Variants in CHRM3 observed in about 807,000 individuals in gnomAD.
CHRM3 encodes cholinergic receptor muscarinic 3.
Under a neutral mutation model 41.8 loss-of-function variants are expected in CHRM3, and 11 were observed. The observed-to-expected ratio is 0.26, with a 90% CI of 0.17 to 0.44. The LOEUF is 0.44. Among genes scored for constraint, CHRM3 ranks in the 20% least tolerant of loss-of-function variants. The pLI, the probability that CHRM3 is intolerant of heterozygous loss-of-function variation, is 1.00. For missense variants in CHRM3, 571 were observed against 745.4 expected, an observed-to-expected ratio of 0.77 and a Z score of 2.72; for synonymous variants, 297 against 301.4, an observed-to-expected ratio of 0.99 and a Z score of 0.15.
chr1:239,524,422 G>T (rs991143601), intron 2 of CHRM3, among the ~76,000 whole-genome samples: 11 of 151,642 alleles, frequency 7.3e-5, no homozygotes, highest in African/African-American at 2.7e-4. Flanking sequence ...TCTACAGAGT[G>T]GTAGTTTATT....
chr1:239,899,023 A>G (rs1679252750), intron 6 of CHRM3, among the ~76,000 whole-genome samples: 2 of 152,050 alleles, frequency 1.3e-5, no homozygotes, highest in South Asian at 2.1e-4. Context: ...CTTCTTTTAA[A>G]TATTAATAAA....
At chr1:239,645,976 A>G (rs1671706197) in intron 4 of CHRM3, among the ~76,000 whole-genome samples, 1 of 152,200 alleles carries the variant, frequency 6.6e-6, no homozygotes, top group African/African-American at 2.4e-5. Context: ...AACAGACTTG[A>G]AAATTAAAGC....
At chr1:239,787,939 G>A (rs1669039585) in intron 5 of CHRM3, among the ~76,000 whole-genome samples, 2 of 152,100 alleles carry the variant, frequency 1.3e-5, no homozygotes, top group African/African-American at 4.8e-5. Flanking sequence ...GTAATTCTAA[G>A]GTTAAATGGT....
chr1:239,643,061 C>A (rs2148930353), intron 4 of CHRM3, among the ~76,000 whole-genome samples: 1 of 152,296 alleles, frequency 6.6e-6, no homozygotes, highest in Admixed American at 6.5e-5. Flanking sequence ...GTATCAGCAG[C>A]AGTGTCTGCA....
chr1:239,774,445 G>T (rs1667938371), intron 5 of CHRM3, among the ~76,000 whole-genome samples: 1 of 152,100 alleles, frequency 6.6e-6, no homozygotes, highest in Non-Finnish European at 1.5e-5. Context: ...TCAATGTGGG[G>T]AAAAGAAAGA....
At chr1:239,691,678 T>A (rs1445325396) in intron 5 of CHRM3, among the ~76,000 whole-genome samples, 1 of 152,222 alleles carries the variant, frequency 6.6e-6, no homozygotes, top group Non-Finnish European at 1.5e-5. Flanking sequence ...CACTCATAAA[T>A]TTAAATGAAC....
At chr1:239,538,772 A>C (rs1252794759) in intron 2 of CHRM3, among the ~76,000 whole-genome samples, 1 of 152,182 alleles carries the variant, frequency 6.6e-6, no homozygotes, top group Admixed American at 6.5e-5. Flanking sequence ...GTAAACACAC[A>C]TATAAACCTA....
chr1:239,659,304 C>G (rs1359134371), intron 4 of CHRM3, among the ~76,000 whole-genome samples: 2 of 152,098 alleles, frequency 1.3e-5, no homozygotes, highest in East Asian at 3.9e-4. Context: ...TCCCAAGATT[C>G]CCAGTAACAG....
At position 239,908,804 on chromosome 1, in the gene CHRM3, G is replaced by A. The variant is rs367860952; in HGVS notation, c.1353G>A (p.Thr451=). 12 of 1,614,002 alleles carry A rather than the reference G, an allele frequency of 7.4e-6. No homozygotes were observed. Among genetic ancestry groups the A allele is most frequent in the Non-Finnish European group, 8.5e-6 (10 of 1,180,034 alleles). ...SDVNSSVGKS[T]ATLPLSFKEA... is the part of the protein sequence containing the mutation. ...TCAACTCCTCAGTGGGTAAGAGCAC[G>A]GCCACTCTACCTCTGTCCTTCAAGG... Residue 451 remains threonine (T), a synonymous_variant, in exon 7 of 7, where the codon ACG becomes ACA. Coordinates refer to ENST00000676153, the MANE Select transcript of CHRM3 (RefSeq NM_001375978.1). This position sits in a 1 kb window ranked among gnomAD's most constrained non-coding sequence, Gnocchi z 7.2.
At chr1:239,812,066 A>G (rs1671161787) in intron 5 of CHRM3, among the ~76,000 whole-genome samples, 1 of 152,048 alleles carries the variant, frequency 6.6e-6, no homozygotes, top group Non-Finnish European at 1.5e-5. Context: ...GTGAGACAGA[A>G]TCTCCCTTTG....
chr1:239,622,430 T>C (rs1342178348), intron 3 of CHRM3, among the ~76,000 whole-genome samples: 2 of 152,224 alleles, frequency 1.3e-5, no homozygotes, highest in African/African-American at 4.8e-5. Flanking sequence ...GGATTCACCA[T>C]TCTAGATGCT....
chr1:239,816,908 T>C (rs562288030), intron 5 of CHRM3, among the ~76,000 whole-genome samples: 1 of 152,180 alleles, frequency 6.6e-6, no homozygotes, highest in South Asian at 2.1e-4. Context: ...TTTTTTTATA[T>C]TTTTAGTAGA....
chr1:239,426,859 TA>T (rs1224141397), intron 1 of CHRM3, among the ~76,000 whole-genome samples: 1 of 152,012 alleles, frequency 6.6e-6, no homozygotes, highest in African/African-American at 2.4e-5. Context: ...ATGTAGGAAG[TA>T]AAACAAGCTT....
At chr1:239,392,702 T>G (rs964395003) in intron 1 of CHRM3, among the ~76,000 whole-genome samples, 1 of 152,256 alleles carries the variant, frequency 6.6e-6, no homozygotes, top group East Asian at 1.9e-4. Context: ...TGAAGCCTTC[T>G]AATTTACCAT....
intron 5 of CHRM3, among the ~76,000 whole-genome samples, chr1:239,739,835 C>G (rs957461851): frequency 1.3e-5 from 2 of 152,142 alleles, no homozygotes; most frequent in Non-Finnish European, 2.9e-5. Flanking sequence ...ATTGTTCTTG[C>G]ACTCTGCTGG....
chr1:239,803,389 G>T (rs893538057), intron 5 of CHRM3, among the ~76,000 whole-genome samples: 1 of 152,102 alleles, frequency 6.6e-6, no homozygotes, highest in African/African-American at 2.4e-5. Flanking sequence ...AAAAGGAAAA[G>T]AATAATTACT....
At chr1:239,562,929 G>A (rs908465518) in intron 3 of CHRM3, among the ~76,000 whole-genome samples, 4 of 149,830 alleles carry the variant, frequency 2.7e-5, no homozygotes, top group African/African-American at 9.8e-5. Context: ...ATTTTAGACA[G>A]GACTTATGTT....
chr1:239,747,546 T>G (rs1665473100), intron 5 of CHRM3, among the ~76,000 whole-genome samples: 1 of 152,270 alleles, frequency 6.6e-6, no homozygotes, highest in African/African-American at 2.4e-5. Context: ...TATTTCCCCA[T>G]TAAGCCTGTT....
intron 5 of CHRM3, among the ~76,000 whole-genome samples, chr1:239,756,535 G>A (rs940469919): frequency 2.0e-5 from 3 of 152,144 alleles, no homozygotes; most frequent in African/African-American, 7.2e-5. Context: ...TAAAATGTTT[G>A]TGTGTGCTGG....
Sources: gnomAD v4.1 joint callset for allele counts (sites outside exome capture counted in the v4.1 genomes callset) on GRCh38, gnomAD v4.1.1 for gene constraint, Gnocchi (gnomAD v3.1) non-coding constraint, MANE v1.5 for transcripts, NCBI Gene and HGNC (gene_info 2026-07-23, HGNC 2026-07-21) for gene names.